Variants in DDX46 observed in about 807,000 individuals in gnomAD.
DDX46 encodes probable ATP-dependent RNA helicase DDX46.
Under a neutral mutation model 134.9 loss-of-function variants are expected in DDX46, and 30 were observed. That is an observed-to-expected ratio of 0.22 (90% CI 0.17 to 0.30). The LOEUF (loss-of-function observed/expected upper bound fraction) is 0.30. Ranked by LOEUF, DDX46 falls within the 10% of genes least tolerant of loss-of-function variation. DDX46 has a pLI of 1.00. For synonymous variants in DDX46, 415 were observed against 404.1 expected (o/e 1.03, Z -0.32); for missense variants, 622 against 1,248.7 (o/e 0.50, Z 7.56).
chr5:134,778,559 G>A (rs573885525), intron 6 of DDX46, among the ~76,000 whole-genome samples: 4 of 151,936 alleles, frequency 2.6e-5, no homozygotes, highest in Admixed American at 2.6e-4. Context: ...GTAGTATTTT[G>A]TTTCATTTTA....
Position 134,766,567 on chromosome 5 carries a change from AAAAAT to A in DDX46, c.207-349_207-345del, listed in dbSNP as rs112011772. On this transcript the variant is annotated intron_variant, in intron 2 of 22. Coordinates refer to ENST00000452510, the MANE Select transcript of DDX46 (RefSeq NM_001300860.2). ...AAAACTCTGTCTCCAAAAAAAAAAA[AAAAAT>A]TAGCCGGGCATGGTGATGCACATCT... Among the ~76,000 whole-genome samples the A allele has an allele frequency of 3.6e-3, 551 of 151,896 alleles. 3 individuals are homozygous for A. Among genetic ancestry groups the A allele is most frequent in the African/African-American group, 0.013 (527 of 41,390 alleles).
At chr5:134,817,442 C>T in intron 19 of DDX46, 54 bp from the exon 20 acceptor site, 1 of 1,549,788 alleles carries the variant, frequency 6.5e-7, no homozygotes, top group Non-Finnish European at 8.8e-7. Context: ...GGTGTGGTCC[C>T]TACTCTTGTC....
At chr5:134,785,673 T>G (rs1016682070) in intron 11 of DDX46, 87 bp downstream of exon 11, 20 of 1,439,302 alleles carry the variant, frequency 1.4e-5, no homozygotes, top group Non-Finnish European at 1.8e-5. Context: ...ACTTTTAGTT[T>G]TTTGAATAGT....
rs1561852722 is a variant in DDX46 at position 134,770,881 on chromosome 5, GTC to G, written c.351-18_351-17del. 1 of 1,540,992 alleles carries G rather than the reference GTC, an allele frequency of 6.5e-7. No homozygotes were observed. Among genetic ancestry groups the G allele is most frequent in the East Asian group, 2.3e-5 (1 of 43,280 alleles). On this transcript the variant is annotated intron_variant, in intron 3 of 22. Coordinates refer to ENST00000452510, the MANE Select transcript of DDX46 (RefSeq NM_001300860.2). ...AGTACAAATGAATGACATTTCTCTT[GTC>G]TCTTTTATTTTTTTGGTAGATCTAG...
At chr5:134,825,532 ATCTT>A (rs1755566820) in intron 21 of DDX46, among the ~76,000 whole-genome samples, 1 of 152,146 alleles carries the variant, frequency 6.6e-6, no homozygotes, top group South Asian at 2.1e-4. Context: ...TTTATTATAA[ATCTT>A]TCCCTCATTT....
Position 134,794,895 on chromosome 5 carries a change from A to G in DDX46, c.1672A>G (p.Met558Val). The change falls in exon 14 of 23, where the codon ATG becomes GTG. Residue 558 changes from methionine (M) to valine (V), a missense_variant. By Grantham distance (21) the Met-to-Val change is conservative. Around this residue, in one of 8 missense-constraint regions of DDX46, gnomAD observed 209 missense variants for 508.4 expected, o/e 0.41. Transcript: ENST00000452510. ...TGTTCGTCCTGATCGACAGACGGTT[A>G]TGTTTTCAGCTACTTTCCCCAGAGC... ...DNVRPDRQTV[M>V]FSATFPRAME... 1 of 1,614,200 alleles carries G rather than the reference A, an allele frequency of 6.2e-7. No homozygotes were observed. The highest frequency in any genetic ancestry group is 1.1e-5 in the South Asian group (1 of 91,086).
chr5:134,764,608 A>G (rs1257730646), intron 2 of DDX46, among the ~76,000 whole-genome samples: 2 of 152,104 alleles, frequency 1.3e-5, no homozygotes, highest in Non-Finnish European at 2.9e-5. Flanking sequence ...TAGTTTGGAA[A>G]CTTTAGGCTG....
At chr5:134,818,467 T>C (rs1042512562) in intron 20 of DDX46, among the ~76,000 whole-genome samples, 1 of 149,982 alleles carries the variant, frequency 6.7e-6, no homozygotes, top group African/African-American at 2.4e-5. Flanking sequence ...TTTGGGAGAC[T>C]AAGGTGGGTG....
rs1245925692 is a variant in DDX46 at position 134,777,632 on chromosome 5, G to A, written c.672G>A (p.Glu224=). The change falls in exon 6 of 23, where the codon GAG becomes GAA. Residue 224 remains glutamate (E), a synonymous_variant. Coordinates refer to ENST00000452510, the MANE Select transcript of DDX46 (RefSeq NM_001300860.2). ...AGGGAAATGAAATGGAGGGTGAGGA[G>A]TTAGATCCATTAGATGCTTACATGG... is the stretch of plus-strand genomic sequence containing the variant. ...EKEGNEMEGE[E]LDPLDAYMEE... 3 of 1,613,548 alleles carry A rather than the reference G, an allele frequency of 1.9e-6. No homozygotes were observed. The highest frequency in any genetic ancestry group is 1.7e-5 in the Admixed American group (1 of 59,842).
chr5:134,789,095 C>T, intron 12 of DDX46: 1 of 152,174 alleles, frequency 6.6e-6, no homozygotes. Context: ...ATTGCAGCTT[C>T]AAGAAATTTT....
At chr5:134,772,037 C>G (rs1011281246) in intron 4 of DDX46, among the ~76,000 whole-genome samples, 1 of 151,324 alleles carries the variant, frequency 6.6e-6, no homozygotes, top group Non-Finnish European at 1.5e-5. Context: ...TCGAGACCAG[C>G]CTGACCAACA....
intron 21 of DDX46, chr5:134,826,079 A>G (rs866880538): frequency 1.3e-5 from 2 of 152,234 alleles, no homozygotes; most frequent in African/African-American, 4.8e-5. Flanking sequence ...TTGTGAGAGC[A>G]CTAAGGAAAA....
intron 15 of DDX46, among the ~76,000 whole-genome samples, chr5:134,798,031 C>T (rs915006025): frequency 6.6e-6 from 1 of 152,020 alleles, no homozygotes; most frequent in Non-Finnish European, 1.5e-5. Context: ...AGGCTGGTCT[C>T]GAACTGCCGA....
chr5:134,783,125 CA>C (rs1159479366), intron 9 of DDX46, 60 bp downstream of exon 9: 2 of 1,571,174 alleles, frequency 1.3e-6, no homozygotes. Flanking sequence ...AGTCCTTCCA[CA>C]CCAGTGTCTC....
At chr5:134,780,938 A>T in intron 6 of DDX46, 195 bp from the exon 7 acceptor site, 1 of 394,214 alleles carries the variant, frequency 2.5e-6, no homozygotes. Context: ...GACTGATGGG[A>T]CGAATCCTTG....
intron 18 of DDX46, among the ~76,000 whole-genome samples, chr5:134,813,635 T>C (rs1367525229): frequency 1.3e-5 from 2 of 152,060 alleles, no homozygotes; most frequent in Non-Finnish European, 2.9e-5. Context: ...TTTGTCTTGT[T>C]TTGTTTTGTT....
chr5:134,760,221 A>T (rs543277228), intron 1 of DDX46, among the ~76,000 whole-genome samples: 1 of 152,304 alleles, frequency 6.6e-6, no homozygotes, highest in Non-Finnish European at 1.5e-5. Context: ...ACAGCCTTCA[A>T]GGCCCTTCAC....
chr5:134,800,768 C>T (rs756688418), intron 15 of DDX46, among the ~76,000 whole-genome samples: 5 of 152,086 alleles, frequency 3.3e-5, no homozygotes, highest in East Asian at 1.9e-4. Context: ...CTCCGCCTCC[C>T]GGGTTCAAGC....
intron 15 of DDX46, among the ~76,000 whole-genome samples, chr5:134,803,889 A>G (rs397519): frequency 1.3e-5 from 2 of 151,702 alleles, no homozygotes; most frequent in Admixed American, 6.6e-5. Flanking sequence ...TTTCATAGGC[A>G]AAGAGAATGA....
Sources: allele counts gnomAD v4.1 joint callset (sites outside exome capture counted in the v4.1 genomes callset), GRCh38; gene constraint gnomAD v4.1.1; regional missense constraint gnomAD v4.1.1; transcripts MANE v1.5; gene names NCBI Gene and HGNC (gene_info 2026-07-23, HGNC 2026-07-21).